The following SLCO1B3 variants were observed in gnomAD, a reference collection of about 807,000 sequenced individuals.
SLCO1B3 encodes the protein solute carrier organic anion transporter family member 1B3.
Under a neutral mutation model 71.8 loss-of-function variants are expected in SLCO1B3, and 72 were observed. That is an observed-to-expected ratio of 1.00 (90% CI 0.83 to 1.22). The LOEUF (loss-of-function observed/expected upper bound fraction) is 1.22, where lower values mean the gene tolerates loss of function less well. Among genes scored for constraint, SLCO1B3 ranks in the 50% most tolerant of loss-of-function variants. The pLI, the probability that SLCO1B3 is intolerant of heterozygous loss-of-function variation, is 0.00. For synonymous variants in SLCO1B3, 298 were observed against 278.4 expected (o/e 1.07, Z -0.70); for missense variants, 911 against 819.7 (o/e 1.11, Z -1.36).
At chr12:20,853,947 T>TTTTGA (rs1189473177) in intron 3 of SLCO1B3, among the ~76,000 whole-genome samples, 1 of 152,156 alleles carries the variant, frequency 6.6e-6, no homozygotes, top group African/African-American at 2.4e-5. Context: ...TATTAATTCT[T>TTTTGA]GTTATTCCTC....
chr12:20,835,485 A>G (rs1864660520), intron 3 of SLCO1B3, among the ~76,000 whole-genome samples: 1 of 152,108 alleles, frequency 6.6e-6, no homozygotes. Flanking sequence ...TCCACCAGAT[A>G]CCCTAAATCA....
intron 8 of SLCO1B3, among the ~76,000 whole-genome samples, chr12:20,873,174 T>C (rs1310962616): frequency 1.3e-5 from 2 of 152,186 alleles, no homozygotes; most frequent in East Asian, 3.9e-4. Flanking sequence ...CATGTGCTAG[T>C]TTAAATCATC....
chr12:20,827,770 A>G (rs564426941), intron 3 of SLCO1B3, among the ~76,000 whole-genome samples: 6 of 152,208 alleles, frequency 3.9e-5, no homozygotes, highest in Middle Eastern at 3.4e-3. Flanking sequence ...AGGGTTTACC[A>G]TATTGGCCAG....
At chr12:20,860,448 T>C (rs892193408) in intron 5 of SLCO1B3, among the ~76,000 whole-genome samples, 1 of 152,204 alleles carries the variant, frequency 6.6e-6, no homozygotes, top group Non-Finnish European at 1.5e-5. Context: ...GCACACTATA[T>C]GTTGTCCTTA....
Position 20,855,101 on chromosome 12 carries a change from C to T in SLCO1B3, c.158C>T (p.Thr53Ile). The change falls in exon 4 of 16, where the codon ACT becomes ATT. Residue 53 changes from threonine to isoleucine, a missense_variant. By Grantham distance (89) the Thr-to-Ile change is moderately conservative. Transcript: ENST00000381545. ...GGAATCATTATGAAAATTTCCATCA[C>T]TCAAATAGAAAGGAGATTTGACATA... The part of the protein sequence containing the change: ...LGGIIMKISI[T>I]QIERRFDISS... 2.5e-6 allele frequency: 4 copies of T among 1,611,586 alleles called. No homozygotes were observed. Among genetic ancestry groups the T allele is most frequent in the South Asian group, 1.1e-5 (1 of 90,978 alleles).
At chr12:20,880,271 A>AT (rs34380022) in intron 11 of SLCO1B3, among the ~76,000 whole-genome samples, 15,934 of 151,472 alleles carry the variant, frequency 0.11, 1,133 homozygotes, top group Middle Eastern at 0.22. Flanking sequence ...ATATGCAGAG[A>AT]TTTTTTATCC....
At chr12:20,850,189 CAGTT>C (rs1245326747) in intron 3 of SLCO1B3, among the ~76,000 whole-genome samples, 1 of 150,202 alleles carries the variant, frequency 6.7e-6, no homozygotes, top group African/African-American at 2.4e-5. Context: ...GTACATGTAC[CAGTT>C]AGTTATATAG....
chr12:20,875,596 T>C, intron 9 of SLCO1B3, 119 bp downstream of exon 9: 1 of 1,023,196 alleles, frequency 9.8e-7, no homozygotes, highest in East Asian at 2.7e-5. Context: ...CTCTGCTAAA[T>C]TTAGCTGAAT....
At chr12:20,866,039 A>C (rs139370114) in intron 8 of SLCO1B3, among the ~76,000 whole-genome samples, 2 of 152,196 alleles carry the variant, frequency 1.3e-5, no homozygotes, top group African/African-American at 4.8e-5. Context: ...GTGATGAATC[A>C]CAGTAAAAAG....
chr12:20,869,166 C>G (rs1285547213), intron 8 of SLCO1B3, among the ~76,000 whole-genome samples: 2 of 152,128 alleles, frequency 1.3e-5, no homozygotes, highest in African/African-American at 2.4e-5. Flanking sequence ...TCCCGGTCTG[C>G]TAAGTAGCGG....
chr12:20,811,909 T>A (rs2121057307), intron 1 of SLCO1B3, among the ~76,000 whole-genome samples: 1 of 148,654 alleles, frequency 6.7e-6, no homozygotes, highest in South Asian at 2.2e-4. Flanking sequence ...TGATACATTT[T>A]TTTTTTTTTT....
Position 20,884,355 on chromosome 12 carries a change from AAG to A in SLCO1B3, c.1682+754_1682+755del, listed in dbSNP as rs370912999. 8.1e-4 allele frequency among the ~76,000 whole-genome samples: 124 copies of A among 152,332 alleles called. 2 individuals carry two copies. The South Asian group carries it at 0.025, about 31-fold the overall frequency. On this transcript the variant is annotated intron_variant, in intron 13 of 15. Coordinates refer to ENST00000381545, the MANE Select transcript of SLCO1B3 (RefSeq NM_019844.4). ...GAGAAACTAAATTTAGGATTAAAGT[AAG>A]GGGATGTGAGGGGAAAGACTCCCAG...
chr12:20,881,339 A>G (rs1256964261), intron 12 of SLCO1B3, among the ~76,000 whole-genome samples: 2 of 152,196 alleles, frequency 1.3e-5, no homozygotes, highest in African/African-American at 4.8e-5. Flanking sequence ...CATTTGACTA[A>G]AGCACATGAT....
At chr12:20,824,817 A>G (rs1864387421) in intron 3 of SLCO1B3, among the ~76,000 whole-genome samples, 1 of 152,174 alleles carries the variant, frequency 6.6e-6, no homozygotes, top group East Asian at 1.9e-4. Context: ...TAAATATATG[A>G]AGTCAAAGTA....
At chr12:20,884,079 C>T (rs1211222346) in intron 13 of SLCO1B3, among the ~76,000 whole-genome samples, 1 of 152,078 alleles carries the variant, frequency 6.6e-6, no homozygotes, top group Non-Finnish European at 1.5e-5. Context: ...TCATGATACC[C>T]TTGTAGGGCA....
At chr12:20,887,390 T>G (rs1392569689) in intron 13 of SLCO1B3, among the ~76,000 whole-genome samples, 1 of 152,062 alleles carries the variant, frequency 6.6e-6, no homozygotes. Flanking sequence ...TCTTGACTTT[T>G]GACCTTGTAA....
At chr12:20,824,589 T>G (rs1864383847) in intron 3 of SLCO1B3, among the ~76,000 whole-genome samples, 1 of 152,164 alleles carries the variant, frequency 6.6e-6, no homozygotes, top group South Asian at 2.1e-4. Flanking sequence ...TTTTCCATAA[T>G]AATCATAATT....
At chr12:20,897,135 T>TGTTTTG (rs1866026213) in intron 13 of SLCO1B3, among the ~76,000 whole-genome samples, 1 of 152,140 alleles carries the variant, frequency 6.6e-6, no homozygotes, top group Admixed American at 6.5e-5. Context: ...ATCAGATTCA[T>TGTTTTG]TGTCCTCAGT....
chr12:20,867,801 A>G (rs1865402373), intron 8 of SLCO1B3, among the ~76,000 whole-genome samples: 1 of 152,152 alleles, frequency 6.6e-6, no homozygotes, highest in Admixed American at 6.6e-5. Flanking sequence ...GTATTTCTGT[A>G]AAGCCACACT....
Sources: allele counts gnomAD v4.1 joint callset (sites outside exome capture counted in the v4.1 genomes callset), GRCh38; gene constraint gnomAD v4.1.1; transcripts MANE v1.5; gene names NCBI Gene and HGNC (gene_info 2026-07-23, HGNC 2026-07-21).